ANKRD46: variants seen among roughly 807,000 people sequenced by gnomAD.
ANKRD46 encodes ankyrin repeat domain 46, also known as ankyrin repeat domain-containing protein 46.
A neutral mutation model predicts 19.8 loss-of-function variants in ANKRD46; 13 were observed. The observed-to-expected ratio is 0.66, with a 90% CI of 0.43 to 1.04. The LOEUF (loss-of-function observed/expected upper bound fraction) is 1.04. ANKRD46 is among the 50% of genes least tolerant of loss of function. ANKRD46 has a pLI of 0.00. For synonymous variants in ANKRD46, 91 were observed against 106.9 expected (o/e 0.85, Z 0.92); for missense variants, 185 against 274.8 (o/e 0.67, Z 2.31).
In ANKRD46 at chr8:100,537,005, C is replaced by T. The variant is rs1812076826; in HGVS notation, c.-130-3694G>A. Among the ~76,000 whole-genome samples the T allele has an allele frequency of 6.6e-6, 1 of 152,160 alleles. No individual in the cohort carries two copies. Among genetic ancestry groups the T allele is most frequent in the African/African-American group, 2.4e-5 (1 of 41,428 alleles). On this transcript the variant is annotated intron_variant, in intron 1 of 4. Coordinates refer to ENST00000335659, the MANE Select transcript of ANKRD46 (RefSeq NM_001270377.2). This position sits in a 1 kb window ranked among gnomAD's most constrained non-coding sequence, Gnocchi z 4.2. ...GTCAACCAGCGTGATTGTCTCAACCCAAACAACAATAAAAAGGTTTTGATG... is the reference window on the plus strand; with the variant it reads ...GTCAACCAGCGTGATTGTCTCAACCTAAACAACAATAAAAAGGTTTTGATG...
chr8:100,554,284 A>G (rs1422878653), intron 1 of ANKRD46, among the ~76,000 whole-genome samples: 2 of 151,966 alleles, frequency 1.3e-5, no homozygotes, highest in African/African-American at 2.4e-5. Flanking sequence ...ATCCTTGTGA[A>G]CAAAGATAAG....
At position 100,532,097 on chromosome 8, in the gene ANKRD46, GA is replaced by G. The variant is rs1223981319; in HGVS notation, c.-28+1111del. 6.6e-6 allele frequency among the ~76,000 whole-genome samples: 1 copy of G among 151,850 alleles called. No individual in the cohort carries two copies. The highest frequency in any genetic ancestry group is 2.4e-5 in the African/African-American group (1 of 41,350). ...GGCTGTTAAGAATAATTTCAAATAC[GA>G]AAAAAAGTTTATGATTAAAAACTAC... On this transcript the variant is annotated intron_variant, in intron 2 of 4. Transcript: ENST00000335659. The surrounding 1 kb of genome is among the most constrained non-coding windows in gnomAD (Gnocchi z 4.7).
chr8:100,521,098 CAGTT>C lies in ANKRD46; in HGVS notation c.*1453_*1456del. Reference sequence around the variant, plus strand: ...CTCTGCAAGCTGATCCTGAAGCAGCCAGTTACTCAGGAATTTTACAACAGCTATT... The same window carrying C: ...CTCTGCAAGCTGATCCTGAAGCAGCCACTCAGGAATTTTACAACAGCTATT... On this transcript the variant is annotated 3_prime_UTR_variant, in exon 5 of 5. Coordinates refer to ENST00000335659, the MANE Select transcript of ANKRD46 (RefSeq NM_001270377.2). The C allele has an allele frequency of 1.0e-6, 1 of 984,872 alleles. No homozygotes were observed. The allele number at this position is 984,872 out of a possible 1,614,324, so 61.0% of individuals were successfully genotyped here.
In ANKRD46 at chr8:100,522,032, CA is replaced by C; in HGVS notation, c.*522del. On this transcript the variant is annotated 3_prime_UTR_variant, in exon 5 of 5. Transcript: ENST00000335659. ...TAGACTTAAAAATACTAAAATAAGC[CA>C]AATAGATGCTAACAATACTAATTTG... 1.0e-6 allele frequency: 1 copy of C among 985,218 alleles called. No homozygotes were observed. The highest frequency in any genetic ancestry group is 1.2e-6 in the Non-Finnish European group (1 of 829,812). 61.0% of individuals were successfully genotyped at this position (985,218 alleles called of 1,614,324 possible).
chr8:100,517,916 C>T (rs951665417), downstream of ANKRD46, among the ~76,000 whole-genome samples: 13 of 152,180 alleles, frequency 8.5e-5, no homozygotes, highest in African/African-American at 2.4e-4. Context: ...TAAGGCTGGG[C>T]GCAGTGGCTC....
chr8:100,556,502 T>C (rs1812503870), intron 1 of ANKRD46: 1 of 152,184 alleles, frequency 6.6e-6, no homozygotes, highest in Non-Finnish European at 1.5e-5. Flanking sequence ...AAGCTGGAAA[T>C]AAAAATTTAC....
chr8:100,551,124 G>C (rs1812379852), intron 1 of ANKRD46: 2 of 474,082 alleles, frequency 4.2e-6, no homozygotes, highest in Non-Finnish European at 8.1e-6. Flanking sequence ...GAGCCCCACA[G>C]ACATATGCCA....
rs1811798923 is a variant in ANKRD46, at chr8:100,524,450, C to T, written c.471-1679G>A. Among the ~76,000 whole-genome samples, 1 of 152,010 alleles carries T rather than the reference C, an allele frequency of 6.6e-6. No individual in the cohort carries two copies. Among genetic ancestry groups the T allele is most frequent in the Non-Finnish European group, 1.5e-5 (1 of 68,010 alleles). On this transcript the variant is annotated intron_variant, in intron 4 of 4. Transcript: ENST00000335659. This position sits in a 1 kb window ranked among gnomAD's most constrained non-coding sequence, Gnocchi z 4.3. ...AGCCTTTACCAACATTAGAGGTCTT[C>T]TCTGATCATGGGAAACTGACTTCCT...
At chr8:100,514,561 TTCCTAAGCAGAAACAGTGATAGTTTTA>T (rs556385895) in intron 5 of ANKRD46, among the ~76,000 whole-genome samples, 1,794 of 148,718 alleles carry the variant, frequency 0.012, 36 homozygotes, top group African/African-American at 0.042. Context: ...TGAAAAGTGA[TTCCTAAGCAGAAACAGTGATAGTTTTA>T]TCCTGAGTGT....
Position 100,527,945 on chromosome 8 carries a change from C to T in ANKRD46, c.370G>A (p.Val124Ile). The stretch of plus-strand genomic sequence containing the variant: ...TCCAAAGATTCCAGCAATCGGATGA[C>T]ATCTTTATTTACTCCTCTGCGCTTT... ...LAKRRGVNKD[V>I]IRLLESLEEQ... Residue 124 changes from valine (V) to isoleucine (I), a missense_variant, in exon 4 of 5, where the codon GTC (valine) becomes ATC (isoleucine). By Grantham distance (29) the Val-to-Ile change is conservative. Transcript: ENST00000335659. This position sits in a 1 kb window ranked among gnomAD's most constrained non-coding sequence, Gnocchi z 4.0. The T allele has an allele frequency of 6.3e-7, 1 of 1,588,314 alleles. No individual in the cohort carries two copies. Among genetic ancestry groups the T allele is most frequent in the Non-Finnish European group, 8.6e-7 (1 of 1,167,590 alleles).
intron 1 of ANKRD46, among the ~76,000 whole-genome samples, chr8:100,558,317 T>C (rs971017495): frequency 1.2e-4 from 18 of 152,218 alleles, no homozygotes; most frequent in African/African-American, 4.1e-4. Context: ...CTGTAAAATA[T>C]TAACTTACTA....
In ANKRD46 at chr8:100,522,713, AG is replaced by A; in HGVS notation, c.528del (p.Ser177ProfsTer22). ...NPNLQQGEGV[L>X]SSFRTTWQEF... ...TCCTGCCACGTGGTTCGGAAGCTGGAGAGGACTCCTTCACCTTGCTGCAGGT... is the reference window on the plus strand; with the variant it reads ...TCCTGCCACGTGGTTCGGAAGCTGGAAGGACTCCTTCACCTTGCTGCAGGT... On this transcript the variant is annotated frameshift_variant, in exon 5 of 5. Coordinates refer to ENST00000335659, the MANE Select transcript of ANKRD46 (RefSeq NM_001270377.2). LOFTEE classifies it high-confidence loss of function. The A allele has an allele frequency of 6.2e-7, 1 of 1,614,140 alleles. No individual in the cohort carries two copies. Among genetic ancestry groups the A allele is most frequent in the Non-Finnish European group, 8.5e-7 (1 of 1,180,044 alleles).
rs1213505707 is a variant in ANKRD46, at chr8:100,524,955, T to C, written c.471-2184A>G. ...GGGGGGTGTGTTTGCATGTATCTTT[T>C]TTAAAAAATGTGATAGCTATACTGT... is the stretch of plus-strand genomic sequence containing the variant. On this transcript the variant is annotated intron_variant, in intron 4 of 4. Transcript: ENST00000335659. This position sits in a 1 kb window ranked among gnomAD's most constrained non-coding sequence, Gnocchi z 4.3. Among the ~76,000 whole-genome samples the C allele has an allele frequency of 1.3e-5, 2 of 152,208 alleles. No individual in the cohort carries two copies. The highest frequency in any genetic ancestry group is 4.8e-5 in the African/African-American group (2 of 41,466).
chr8:100,551,279 G>T, intron 1 of ANKRD46: 2 of 497,696 alleles, frequency 4.0e-6, no homozygotes, highest in South Asian at 1.8e-5. Flanking sequence ...CATTGCTGAT[G>T]ATCTTGAGGC....
chr8:100,540,394 A>G (rs1232669744), intron 1 of ANKRD46, among the ~76,000 whole-genome samples: 1 of 152,232 alleles, frequency 6.6e-6, no homozygotes, highest in Non-Finnish European at 1.5e-5. Flanking sequence ...TACTTCACAG[A>G]AAATATTCTA....
chr8:100,513,481 A>G (rs1014911701), intron 5 of ANKRD46, among the ~76,000 whole-genome samples: 6 of 152,246 alleles, frequency 3.9e-5, no homozygotes, highest in African/African-American at 9.6e-5. Context: ...TGTTTTAAAC[A>G]TGAAAACAGA....
chr8:100,523,453 G>A (rs1223858211), intron 4 of ANKRD46, among the ~76,000 whole-genome samples: 1 of 151,786 alleles, frequency 6.6e-6, no homozygotes, highest in African/African-American at 2.4e-5. Context: ...CTGTTGGGGG[G>A]AGGGGGGAAG....
downstream of ANKRD46, among the ~76,000 whole-genome samples, chr8:100,520,228 GA>G: frequency 6.6e-6 from 1 of 151,916 alleles, no homozygotes. Context: ...TGTAAGAAAG[GA>G]AAAAAAGTAA....
chr8:100,552,764 G>A (rs1176771324), intron 1 of ANKRD46, among the ~76,000 whole-genome samples: 1 of 152,218 alleles, frequency 6.6e-6, no homozygotes, highest in African/African-American at 2.4e-5. Context: ...TAGATAGCAA[G>A]TATACAGAGT....
Sources: gnomAD v4.1 joint callset for allele counts (sites outside exome capture counted in the v4.1 genomes callset) on GRCh38, gnomAD v4.1.1 for gene constraint, Gnocchi (gnomAD v3.1) non-coding constraint, MANE v1.5 for transcripts, NCBI Gene and HGNC (gene_info 2026-07-23, HGNC 2026-07-21) for gene names.